ABCA13: variants seen among roughly 807,000 people sequenced by gnomAD.
ABCA13 encodes ATP-binding cassette sub-family A member 13.
Under a neutral mutation model 478.7 loss-of-function variants are expected in ABCA13, and 476 were observed. That is an observed-to-expected ratio of 0.99 (90% CI 0.92 to 1.07). ABCA13 has a LOEUF of 1.07. Among genes scored for constraint, ABCA13 ranks in the 50% least tolerant of loss-of-function variants. The pLI, the probability that ABCA13 is intolerant of heterozygous loss-of-function variation, is 0.00. For missense variants in ABCA13, 6,060 were observed against 5,910.6 expected, an observed-to-expected ratio of 1.03 and a Z score of -0.83; for synonymous variants, 2,252 against 2,158.9, an observed-to-expected ratio of 1.04 and a Z score of -1.20.
At chr7:48,237,067 A>G (rs1790083646) in intron 8 of ABCA13, among the ~76,000 whole-genome samples, 1 of 131,730 alleles carries the variant, frequency 7.6e-6, no homozygotes, top group Non-Finnish European at 1.5e-5. Flanking sequence ...CTAGGAAATG[A>G]GTTTCGCCGA....
chr7:48,345,766 G>A (rs1416239384), intron 29 of ABCA13, among the ~76,000 whole-genome samples: 23 of 152,134 alleles, frequency 1.5e-4, no homozygotes, highest in Admixed American at 1.5e-3. Flanking sequence ...AGTATACAGT[G>A]TTTATAAAGT....
At chr7:48,623,551 A>T (rs763680606) in intron 59 of ABCA13, among the ~76,000 whole-genome samples, 40 of 152,194 alleles carry the variant, frequency 2.6e-4, no homozygotes, top group Non-Finnish European at 4.9e-4. Context: ...AAGAATCCAG[A>T]GGTAACTGGT....
intron 1 of ABCA13, 32 bp downstream of exon 1, chr7:48,171,584 C>A: frequency 6.5e-7 from 1 of 1,534,908 alleles, no homozygotes; most frequent in South Asian, 1.2e-5. Context: ...CCATAGGGTT[C>A]CAGTGAGGTC....
chr7:48,261,285 T>A (rs1169153982), intron 15 of ABCA13, among the ~76,000 whole-genome samples: 2 of 152,032 alleles, frequency 1.3e-5, no homozygotes, highest in Admixed American at 1.3e-4. Flanking sequence ...ACTCCTTAGA[T>A]AAAATTTCTA....
intron 55 of ABCA13, among the ~76,000 whole-genome samples, chr7:48,543,949 G>T (rs957437059): frequency 1.3e-5 from 2 of 151,530 alleles, no homozygotes; most frequent in South Asian, 2.1e-4. Flanking sequence ...TGTGCCTAGG[G>T]AGATAACAGA....
intron 60 of ABCA13, among the ~76,000 whole-genome samples, chr7:48,644,385 A>G (rs1262118206): frequency 6.6e-6 from 1 of 152,194 alleles, no homozygotes. Flanking sequence ...ATGCTGTTGC[A>G]AGGTTAGAGC....
At chr7:48,567,683 A>G (rs1787216497) in intron 55 of ABCA13, among the ~76,000 whole-genome samples, 1 of 152,050 alleles carries the variant, frequency 6.6e-6, no homozygotes, top group African/African-American at 2.4e-5. Flanking sequence ...AACTATCATC[A>G]GGAGAGAGAC....
In ABCA13 at chr7:48,274,467, G is replaced by A; in HGVS notation, c.4801G>A (p.Ala1601Thr). Residue 1601 changes from alanine (A) to threonine (T), a missense_variant, in exon 17 of 62, where the codon GCT (alanine) becomes ACT (threonine). Ala to Thr is a moderately conservative substitution (Grantham distance 58). Coordinates refer to ENST00000435803, the MANE Select transcript of ABCA13 (RefSeq NM_152701.5). ...NSVGNSIYHL[A>T]SYLAFSLSHD... ...TGTAGGCAATTCCATTTATCACTTA[G>A]CTAGTTACCTTGCCTTCAGCTTATC... The A allele has an allele frequency of 6.2e-7, 1 of 1,613,794 alleles. No homozygotes were observed. The highest frequency in any genetic ancestry group is 8.5e-7 in the Non-Finnish European group (1 of 1,179,816).
intron 35 of ABCA13, among the ~76,000 whole-genome samples, chr7:48,382,059 T>C (rs1160570054): frequency 2.6e-5 from 4 of 152,180 alleles, no homozygotes; most frequent in Non-Finnish European, 5.9e-5. Flanking sequence ...AAAGCAACCC[T>C]TAATATTCAA....
chr7:48,455,514 A>G (rs1156276133), intron 43 of ABCA13, among the ~76,000 whole-genome samples: 1 of 152,168 alleles, frequency 6.6e-6, no homozygotes, highest in East Asian at 1.9e-4. Context: ...CCGAATCCTG[A>G]GCCCCTGACC....
chr7:48,262,172 A>G (rs1253365691), intron 15 of ABCA13, among the ~76,000 whole-genome samples: 5 of 151,986 alleles, frequency 3.3e-5, no homozygotes. Flanking sequence ...CACTATTTCC[A>G]GTAATGTTGT....
chr7:48,433,771 A>G (rs1290156650), intron 42 of ABCA13, among the ~76,000 whole-genome samples: 2 of 151,938 alleles, frequency 1.3e-5, no homozygotes, highest in Non-Finnish European at 2.9e-5. Context: ...ATCATACAGT[A>G]TTTGCCCTTT....
chr7:48,197,365 C>G (rs1345670498), intron 2 of ABCA13, among the ~76,000 whole-genome samples: 3 of 152,176 alleles, frequency 2.0e-5, no homozygotes, highest in Non-Finnish European at 1.5e-5. Context: ...GGACAGGCAT[C>G]TCCATTCCAG....
rs1816427765 is a variant in ABCA13, at chr7:48,393,793, T to G, written c.11873+1654T>G. Among the ~76,000 whole-genome samples, 4 of 152,156 alleles carry G rather than the reference T, an allele frequency of 2.6e-5. No individual in the cohort carries two copies. In the South Asian group the frequency reaches 6.2e-4, roughly 24 times the overall value. On this transcript the variant is annotated intron_variant, in intron 38 of 61. Coordinates refer to ENST00000435803, the MANE Select transcript of ABCA13 (RefSeq NM_152701.5). ...CAGAGACCAAGTAAAACGTTTGCAA[T>G]GAGAATGCTCCATTCCACCCTTCCT...
chr7:48,186,815 G>A (rs1010425495), intron 1 of ABCA13, among the ~76,000 whole-genome samples: 2 of 151,872 alleles, frequency 1.3e-5, no homozygotes, highest in Admixed American at 6.6e-5. Context: ...TAGCAGGAAT[G>A]CCCCTGTCGT....
intron 3 of ABCA13, 109 bp from the exon 4 acceptor site, chr7:48,219,245 G>A: frequency 8.5e-7 from 1 of 1,178,278 alleles, no homozygotes; most frequent in East Asian, 2.8e-5. Context: ...GAGAGTGTAA[G>A]TTGGTACAAG....
intron 55 of ABCA13, among the ~76,000 whole-genome samples, chr7:48,533,469 C>T (rs1418006177): frequency 6.6e-6 from 1 of 151,894 alleles, no homozygotes; most frequent in Non-Finnish European, 1.5e-5. Flanking sequence ...AATGTATATT[C>T]TGTAGCACAT....
chr7:48,210,146 A>C (rs965148104), intron 3 of ABCA13, among the ~76,000 whole-genome samples: 2 of 152,166 alleles, frequency 1.3e-5, no homozygotes, highest in African/African-American at 4.8e-5. Flanking sequence ...ACCGTTGGGG[A>C]GGCCTCAGGA....
intron 7 of ABCA13, among the ~76,000 whole-genome samples, chr7:48,230,193 A>T (rs1788844323): frequency 6.6e-6 from 1 of 152,240 alleles, no homozygotes; most frequent in Non-Finnish European, 1.5e-5. Flanking sequence ...TATAAATGAT[A>T]TTTTTAAGTT....
Sources: allele counts gnomAD v4.1 joint callset (sites outside exome capture counted in the v4.1 genomes callset), GRCh38; gene constraint gnomAD v4.1.1; transcripts MANE v1.5; gene names NCBI Gene and HGNC (gene_info 2026-07-23, HGNC 2026-07-21).